SMYD3: variants seen among roughly 807,000 people sequenced by gnomAD.
The protein encoded by SMYD3 is histone-lysine N-methyltransferase SMYD3.
A neutral mutation model predicts 57.7 loss-of-function variants in SMYD3; 36 were observed. That is an observed-to-expected ratio of 0.62 (90% CI 0.48 to 0.82). SMYD3 has a LOEUF of 0.82. SMYD3 is among the 40% of genes least tolerant of loss of function. SMYD3 has a pLI of 0.00. For synonymous variants in SMYD3, 211 were observed against 195.0 expected (o/e 1.08, Z -0.68); for missense variants, 515 against 538.8 (o/e 0.96, Z 0.44).
At chr1:246,443,714 G>A (rs2067504718) in intron 1 of SMYD3, among the ~76,000 whole-genome samples, 1 of 152,100 alleles carries the variant, frequency 6.6e-6, no homozygotes, top group Non-Finnish European at 1.5e-5. Flanking sequence ...ATTTTAGGTT[G>A]ACATGTTAAT....
chr1:246,095,021 C>T (rs376051862), intron 5 of SMYD3, among the ~76,000 whole-genome samples: 1 of 152,086 alleles, frequency 6.6e-6, no homozygotes, highest in Non-Finnish European at 1.5e-5. Context: ...CTCTTCTGCT[C>T]GGGCACCATC....
At chr1:245,869,532 C>T (rs1303968292) in intron 8 of SMYD3, among the ~76,000 whole-genome samples, 1 of 152,134 alleles carries the variant, frequency 6.6e-6, no homozygotes, top group African/African-American at 2.4e-5. Context: ...CGGAGAAGTC[C>T]TTCAAAAGCC....
At chr1:246,461,950 A>G (rs1444233092) in intron 1 of SMYD3, among the ~76,000 whole-genome samples, 1 of 152,134 alleles carries the variant, frequency 6.6e-6, no homozygotes, top group Non-Finnish European at 1.5e-5. Flanking sequence ...TAGAAAAGGA[A>G]CAAACGTATA....
chr1:246,378,868 AAATAT>A (rs1204655969), intron 1 of SMYD3, among the ~76,000 whole-genome samples: 19 of 123,910 alleles, frequency 1.5e-4, no homozygotes, highest in Admixed American at 1.2e-3. Context: ...TAGTATATAT[AAATAT>A]ATTATATATA....
chr1:246,402,040 T>C (rs557464261), intron 1 of SMYD3, among the ~76,000 whole-genome samples: 14 of 152,326 alleles, frequency 9.2e-5, no homozygotes, highest in Admixed American at 7.8e-4. Context: ...TATTTTAAGA[T>C]TGTTCATCCA....
At chr1:246,477,367 CACAT>C (rs2068042846) in intron 1 of SMYD3, among the ~76,000 whole-genome samples, 1 of 152,166 alleles carries the variant, frequency 6.6e-6, no homozygotes. Context: ...GAAAAAAACA[CACAT>C]ACATACTAAA....
At position 246,507,202 on chromosome 1, in the gene SMYD3, C is replaced by G; in HGVS notation, c.16G>C (p.Val6Leu). 1 of 1,523,104 alleles carries G rather than the reference C, an allele frequency of 6.6e-7. No homozygotes were observed. The highest frequency in any genetic ancestry group is 8.8e-7 in the Non-Finnish European group (1 of 1,134,676). 94.3% of individuals were successfully genotyped at this position (1,523,104 alleles called of 1,614,324 possible). A position where few individuals can be genotyped will look rare whatever the true frequency, so the allele number is the denominator to read the frequency against. The change falls in exon 1 of 12, where the codon GTG (valine) becomes CTG (leucine). Residue 6 changes from valine (V) to leucine (L), a missense_variant. Val to Leu is a conservative substitution (Grantham distance 32). Coordinates refer to ENST00000490107, the MANE Select transcript of SMYD3 (RefSeq NM_001167740.2). ...CTCTTGGCGGTTGCGAACTTTTCCA[C>G]CTTCAGCGGCTCCATCCTCCCGCAG... MEPLK[V>L]EKFATAKRGN...
At chr1:245,935,836 A>C (rs1207048689) in intron 5 of SMYD3, among the ~76,000 whole-genome samples, 1 of 152,224 alleles carries the variant, frequency 6.6e-6, no homozygotes, top group Non-Finnish European at 1.5e-5. Flanking sequence ...TAAAAAGTCA[A>C]ACTCATAGTA....
chr1:246,172,330 C>CT (rs546043730), intron 5 of SMYD3, among the ~76,000 whole-genome samples: 248 of 151,392 alleles, frequency 1.6e-3, no homozygotes, highest in Non-Finnish European at 2.7e-3. Context: ...GCCTAGAACA[C>CT]TCACTGTACT....
chr1:245,791,805 T>G (rs1394919781), intron 10 of SMYD3, among the ~76,000 whole-genome samples: 3 of 152,234 alleles, frequency 2.0e-5, no homozygotes, highest in Non-Finnish European at 4.4e-5. Flanking sequence ...CTCTGATTTC[T>G]GTCTCTAGAA....
At chr1:246,326,017 T>C (rs866315281) in intron 5 of SMYD3, 3 of 178,336 alleles carry the variant, frequency 1.7e-5, no homozygotes, top group African/African-American at 4.7e-5. Context: ...AACCAGAATA[T>C]AATGCTAAGA....
chr1:245,772,772 AT>A (rs779561715), intron 10 of SMYD3, among the ~76,000 whole-genome samples: 13 of 152,342 alleles, frequency 8.5e-5, no homozygotes, highest in Non-Finnish European at 1.5e-4. Flanking sequence ...TCAGATAAGA[AT>A]AAAAGAGACT....
At chr1:246,346,264 C>A (rs1479563407) in intron 2 of SMYD3, among the ~76,000 whole-genome samples, 1 of 152,032 alleles carries the variant, frequency 6.6e-6, no homozygotes, top group Non-Finnish European at 1.5e-5. Flanking sequence ...GTCTGGGCGA[C>A]AGAGTGAGAC....
chr1:246,121,849 A>T (rs1210611121), intron 5 of SMYD3, among the ~76,000 whole-genome samples: 2 of 152,226 alleles, frequency 1.3e-5, no homozygotes, highest in Non-Finnish European at 2.9e-5. Context: ...CAAGAGCATC[A>T]CAATATAGCA....
intron 7 of SMYD3, among the ~76,000 whole-genome samples, chr1:245,921,570 T>TATATATATATATATATATAC (rs1231534223): frequency 6.8e-6 from 1 of 147,898 alleles, no homozygotes; most frequent in East Asian, 2.1e-4. Flanking sequence ...TATATATATA[T>TATATATATATATATATATAC]ACACATACCA....
intron 10 of SMYD3, among the ~76,000 whole-genome samples, chr1:245,822,607 A>G (rs1462583215): frequency 6.6e-6 from 1 of 151,418 alleles, no homozygotes; most frequent in Non-Finnish European, 1.5e-5. Flanking sequence ...CCTCAGTCTG[A>G]GGAGCTCGGC....
chr1:246,116,003 G>A (rs1487623947), intron 5 of SMYD3, among the ~76,000 whole-genome samples: 2 of 152,148 alleles, frequency 1.3e-5, no homozygotes, highest in African/African-American at 4.8e-5. Context: ...GCTGGGCGTG[G>A]TGGCACATGC....
intron 5 of SMYD3, among the ~76,000 whole-genome samples, chr1:246,106,471 G>A (rs962444561): frequency 2.0e-5 from 3 of 149,540 alleles, no homozygotes; most frequent in Non-Finnish European, 4.4e-5. Flanking sequence ...TAAACAGCAA[G>A]GCGAGTAAAC....
intron 10 of SMYD3, among the ~76,000 whole-genome samples, chr1:245,823,490 C>T (rs1371956641): frequency 6.6e-6 from 1 of 152,214 alleles, no homozygotes; most frequent in Non-Finnish European, 1.5e-5. Flanking sequence ...CGCACTACTG[C>T]GATTTCCTGG....
Sources: allele counts gnomAD v4.1 joint callset (sites outside exome capture counted in the v4.1 genomes callset), GRCh38; gene constraint gnomAD v4.1.1; transcripts MANE v1.5; gene names NCBI Gene and HGNC (gene_info 2026-07-23, HGNC 2026-07-21).